Variants in CHST11 observed in about 807,000 individuals in gnomAD.
CHST11 encodes the protein C4S-1.
Under a neutral mutation model 30.4 loss-of-function variants are expected in CHST11, and 9 were observed. The ratio of observed to expected loss-of-function variants is 0.30; its 90% confidence interval spans 0.18 to 0.52. CHST11 has a LOEUF of 0.52. Ranked by LOEUF, CHST11 falls within the 20% of genes least tolerant of loss-of-function variation. The pLI is 0.97. For missense variants in CHST11, 348 were observed against 460.6 expected (o/e 0.76, Z 2.24); for synonymous variants, 152 against 187.8 (o/e 0.81, Z 1.56).
intron 1 of CHST11, among the ~76,000 whole-genome samples, chr12:104,568,812 G>T (rs975592641): frequency 6.6e-6 from 1 of 152,138 alleles, no homozygotes; most frequent in Non-Finnish European, 1.5e-5. Flanking sequence ...TGGCTTTATA[G>T]TTCATGTTCT....
chr12:104,516,527 T>C (rs548746870), intron 1 of CHST11, among the ~76,000 whole-genome samples: 1 of 152,220 alleles, frequency 6.6e-6, no homozygotes, highest in East Asian at 1.9e-4. Flanking sequence ...GTGGTTGGAA[T>C]TGGAGGGCTT....
At chr12:104,682,898 A>T (rs754902889) in intron 2 of CHST11, among the ~76,000 whole-genome samples, 3 of 152,222 alleles carry the variant, frequency 2.0e-5, no homozygotes, top group Non-Finnish European at 4.4e-5. Flanking sequence ...GCCACCGATC[A>T]CCAAGTACCA....
chr12:104,684,848 A>G (rs1430703827), intron 2 of CHST11, among the ~76,000 whole-genome samples: 1 of 152,178 alleles, frequency 6.6e-6, no homozygotes, highest in Non-Finnish European at 1.5e-5. Context: ...CACCACACCC[A>G]GCCCCAAAAC....
At chr12:104,510,308 T>C (rs1357919114) in intron 1 of CHST11, among the ~76,000 whole-genome samples, 1 of 152,220 alleles carries the variant, frequency 6.6e-6, no homozygotes, top group Non-Finnish European at 1.5e-5. Context: ...ATATTGGCTC[T>C]AGACTGCAGC....
chr12:104,654,189 G>A (rs1262721265), intron 2 of CHST11, among the ~76,000 whole-genome samples: 2 of 152,122 alleles, frequency 1.3e-5, no homozygotes, highest in East Asian at 1.9e-4. Context: ...CAGGGAAGTC[G>A]GGGGAGGGAG....
intron 1 of CHST11, among the ~76,000 whole-genome samples, chr12:104,541,926 C>G (rs1218944096): frequency 6.6e-6 from 1 of 152,242 alleles, no homozygotes; most frequent in Non-Finnish European, 1.5e-5. Flanking sequence ...GAGACTCCGT[C>G]TCAGAAAGAC....
At chr12:104,754,567 G>A (rs2040459639) in intron 2 of CHST11, among the ~76,000 whole-genome samples, 1 of 152,190 alleles carries the variant, frequency 6.6e-6, no homozygotes, top group Non-Finnish European at 1.5e-5. Context: ...GCTTCAGAAC[G>A]TGTTCATCGT....
intron 2 of CHST11, among the ~76,000 whole-genome samples, chr12:104,615,239 C>T (rs2039098441): frequency 6.6e-6 from 1 of 152,202 alleles, no homozygotes; most frequent in African/African-American, 2.4e-5. Context: ...GGACTTGAAG[C>T]CACAAAATGG....
At chr12:104,741,272 AG>A (rs1444560975) in intron 2 of CHST11, among the ~76,000 whole-genome samples, 3 of 152,136 alleles carry the variant, frequency 2.0e-5, no homozygotes, top group African/African-American at 7.2e-5. Flanking sequence ...GGAGAGAACG[AG>A]GGTGTCTTCC....
chr12:104,595,548 C>T (rs1566000734), intron 1 of CHST11, among the ~76,000 whole-genome samples: 1 of 152,172 alleles, frequency 6.6e-6, no homozygotes, highest in South Asian at 2.1e-4. Flanking sequence ...AGGGACTTAG[C>T]GATCACCTGG....
intron 1 of CHST11, among the ~76,000 whole-genome samples, chr12:104,506,752 T>C (rs2037910002): frequency 6.6e-6 from 1 of 152,062 alleles, no homozygotes; most frequent in Non-Finnish European, 1.5e-5. Flanking sequence ...CTCTTGAGAG[T>C]TGCTCCGACA....
At chr12:104,657,920 T>C (rs948438389) in intron 2 of CHST11, among the ~76,000 whole-genome samples, 5 of 152,168 alleles carry the variant, frequency 3.3e-5, no homozygotes, top group Admixed American at 2.6e-4. Flanking sequence ...AGACACGCTT[T>C]ATTTCCCCTT....
At chr12:104,708,036 A>G (rs1369524237) in intron 2 of CHST11, among the ~76,000 whole-genome samples, 1 of 152,258 alleles carries the variant, frequency 6.6e-6, no homozygotes, top group Non-Finnish European at 1.5e-5. Context: ...ACACATGTCC[A>G]TACACAATCA....
chr12:104,592,548 A>G lies in CHST11; in HGVS notation c.119-9358A>G, dbSNP rs2038870199. Among the ~76,000 whole-genome samples, 3 of 152,184 alleles carry G rather than the reference A, an allele frequency of 2.0e-5. No individual in the cohort carries two copies. In the South Asian group the frequency reaches 6.2e-4, roughly 32 times the overall value. Reference sequence around the variant, plus strand: ...TCACCTTCCAAAGTCCCCACCCTCTAAAATGATTATCTTGGGGGTTAATAT... The same window carrying G: ...TCACCTTCCAAAGTCCCCACCCTCTGAAATGATTATCTTGGGGGTTAATAT... On this transcript the variant is annotated intron_variant, in intron 1 of 2. Transcript: ENST00000303694.
chr12:104,693,751 A>G (rs2039919722), intron 2 of CHST11, among the ~76,000 whole-genome samples: 1 of 152,172 alleles, frequency 6.6e-6, no homozygotes, highest in Admixed American at 6.5e-5. Context: ...GATAAGTAGG[A>G]GTTAGCCAAA....
intron 2 of CHST11, among the ~76,000 whole-genome samples, chr12:104,615,283 TG>T (rs1203032237): frequency 6.6e-6 from 1 of 152,228 alleles, no homozygotes; most frequent in Non-Finnish European, 1.5e-5. Context: ...TTTTGAGTAT[TG>T]GAGAAATCGC....
intron 1 of CHST11, among the ~76,000 whole-genome samples, chr12:104,523,138 G>A (rs892708510): frequency 6.6e-6 from 1 of 152,230 alleles, no homozygotes; most frequent in African/African-American, 2.4e-5. Context: ...CCACCATAGG[G>A]TTTGCCTTCA....
At chr12:104,575,222 G>A (rs1287061260) in intron 1 of CHST11, among the ~76,000 whole-genome samples, 2 of 152,038 alleles carry the variant, frequency 1.3e-5, no homozygotes, top group African/African-American at 4.8e-5. Context: ...AGGACCACAG[G>A]CCCACAGGCA....
intron 2 of CHST11, among the ~76,000 whole-genome samples, chr12:104,700,980 C>T (rs2039986959): frequency 6.6e-6 from 1 of 152,130 alleles, no homozygotes; most frequent in Non-Finnish European, 1.5e-5. Context: ...TGGTGGTGCA[C>T]ACCTGTAGTC....
Sources: allele counts gnomAD v4.1 joint callset (sites outside exome capture counted in the v4.1 genomes callset), GRCh38; gene constraint gnomAD v4.1.1; transcripts MANE v1.5; gene names NCBI Gene and HGNC (gene_info 2026-07-23, HGNC 2026-07-21).